FOXN3: variants seen among roughly 807,000 people sequenced by gnomAD.
FOXN3 encodes forkhead box N3, also known as forkhead box protein N3.
In FOXN3, 7 loss-of-function variants were observed where a neutral mutation model predicts 38.4. The ratio of observed to expected loss-of-function variants is 0.18; its 90% confidence interval spans 0.10 to 0.34. FOXN3 has a LOEUF of 0.34. FOXN3 is among the 10% of genes least tolerant of loss of function. FOXN3 has a pLI of 1.00. For missense variants in FOXN3, 456 were observed against 613.4 expected (o/e 0.74, Z 2.71); for synonymous variants, 230 against 242.2 (o/e 0.95, Z 0.47).
chr14:89,363,817 T>C (rs892040272), intron 2 of FOXN3, among the ~76,000 whole-genome samples: 2 of 151,796 alleles, frequency 1.3e-5, no homozygotes, highest in South Asian at 2.1e-4. Context: ...CAGTGGCTCA[T>C]GCCTGGTCAC....
intron 1 of FOXN3, among the ~76,000 whole-genome samples, chr14:89,508,223 T>C (rs1290335280): frequency 6.6e-6 from 1 of 152,152 alleles, no homozygotes; most frequent in Non-Finnish European, 1.5e-5. Flanking sequence ...CAATAAATGA[T>C]GGGAATTTGG....
At chr14:89,433,396 C>T (rs528118846) in intron 1 of FOXN3, among the ~76,000 whole-genome samples, 4 of 152,278 alleles carry the variant, frequency 2.6e-5, no homozygotes, top group African/African-American at 4.8e-5. Context: ...GCAGAAGAAT[C>T]GCTTGAACTC....
intron 1 of FOXN3, among the ~76,000 whole-genome samples, chr14:89,594,609 T>C (rs1207899704): frequency 1.3e-5 from 2 of 152,250 alleles, no homozygotes; most frequent in African/African-American, 4.8e-5. Flanking sequence ...ATATCCTTCA[T>C]ATAAGCCTTT....
chr14:89,485,972 A>G (rs1373598376), intron 1 of FOXN3, among the ~76,000 whole-genome samples: 1 of 152,050 alleles, frequency 6.6e-6, no homozygotes, highest in Non-Finnish European at 1.5e-5. Context: ...TTTCAATCCC[A>G]ATCCTCAAAG....
chr14:89,380,071 TC>T (rs1286162516), intron 2 of FOXN3, among the ~76,000 whole-genome samples: 2 of 152,172 alleles, frequency 1.3e-5, no homozygotes, highest in African/African-American at 2.4e-5. Context: ...TTTAGCTGCG[TC>T]CCCATCCAAA....
At chr14:89,581,319 T>C (rs1895734429) in intron 1 of FOXN3, among the ~76,000 whole-genome samples, 1 of 151,878 alleles carries the variant, frequency 6.6e-6, no homozygotes, top group Non-Finnish European at 1.5e-5. Flanking sequence ...CCGTCTCTAC[T>C]ACAAATTTCA....
chr14:89,463,530 C>G (rs1264978327), intron 1 of FOXN3, among the ~76,000 whole-genome samples: 1 of 152,202 alleles, frequency 6.6e-6, no homozygotes, highest in Non-Finnish European at 1.5e-5. Context: ...CATGGCAGGT[C>G]TTCCTAGCCA....
intron 4 of FOXN3, among the ~76,000 whole-genome samples, chr14:89,256,229 C>T (rs147750356): frequency 3.2e-3 from 488 of 152,292 alleles, no homozygotes; most frequent in African/African-American, 0.011. Context: ...ATAAAAAAGG[C>T]TCTCCACACA....
At chr14:89,279,654 A>G (rs530770730) in intron 4 of FOXN3, among the ~76,000 whole-genome samples, 22 of 152,300 alleles carry the variant, frequency 1.4e-4, no homozygotes, top group African/African-American at 4.6e-4. Flanking sequence ...TTAATTTTTG[A>G]GAGTGGAGGG....
intron 3 of FOXN3, among the ~76,000 whole-genome samples, chr14:89,306,334 G>GCA (rs33940446): frequency 0.017 from 2,500 of 146,748 alleles, 28 homozygotes; most frequent in Middle Eastern, 0.035. Context: ...ACAGACGCAT[G>GCA]CACACACACA....
intron 1 of FOXN3, among the ~76,000 whole-genome samples, chr14:89,423,703 A>G (rs1330005455): frequency 1.3e-5 from 2 of 152,254 alleles, no homozygotes; most frequent in Non-Finnish European, 2.9e-5. Flanking sequence ...AGCAATTGTG[A>G]TATCTCATTT....
intron 1 of FOXN3, among the ~76,000 whole-genome samples, chr14:89,607,761 A>C (rs1896302276): frequency 6.6e-6 from 1 of 152,152 alleles, no homozygotes; most frequent in African/African-American, 2.4e-5. Context: ...ATCTGGATTA[A>C]GTGTAGCAGG....
rs765013515 is a variant in FOXN3, at chr14:89,411,964, A to G, written c.513T>C (p.Cys171=). The G allele has an allele frequency of 1.3e-6, 2 of 1,548,574 alleles. No homozygotes were observed. The highest frequency in any genetic ancestry group is 4.5e-5 in the East Asian group (2 of 44,184). The change falls in exon 2 of 6, where the codon TGT becomes TGC. Residue 171 remains cysteine, a synonymous_variant. Coordinates refer to ENST00000557258, the MANE Select transcript of FOXN3 (RefSeq NM_005197.4). ...TCCTCTCTTTGTCCACTTTCTTAAA[A>G]CACTTATTCAATGATAAATTGTGTC... is the stretch of plus-strand genomic sequence containing the variant. ...SVRHNLSLNK[C]FKKVDKERSQ...
intron 3 of FOXN3, among the ~76,000 whole-genome samples, chr14:89,340,510 G>A (rs534982982): frequency 5.5e-4 from 84 of 152,186 alleles, no homozygotes; most frequent in African/African-American, 2.0e-3. Flanking sequence ...CACATCCATG[G>A]CAGAGTCTCA....
chr14:89,437,490 C>A (rs1892296680), intron 1 of FOXN3, among the ~76,000 whole-genome samples: 1 of 152,122 alleles, frequency 6.6e-6, no homozygotes, highest in African/African-American at 2.4e-5. Context: ...GGCGTGTGAA[C>A]CAGGGCAACT....
intron 2 of FOXN3, among the ~76,000 whole-genome samples, chr14:89,384,279 T>A (rs887060161): frequency 1.3e-5 from 2 of 152,108 alleles, no homozygotes; most frequent in Non-Finnish European, 2.9e-5. Context: ...ACTCCTCACC[T>A]CTGCGCCCAC....
At chr14:89,569,000 C>G (rs906109523) in intron 1 of FOXN3, among the ~76,000 whole-genome samples, 1 of 152,160 alleles carries the variant, frequency 6.6e-6, no homozygotes, top group Non-Finnish European at 1.5e-5. Flanking sequence ...GTCAGGAGAT[C>G]GAGACCAACC....
chr14:89,412,815 C>T lies in FOXN3; in HGVS notation c.-14-325G>A, dbSNP rs1891577606. ...TTGGGAGGCTGAGGCGGGACGATTG[C>T]TTGAGACCAGGAGACCAGTTTTAAA... On this transcript the variant is annotated intron_variant, in intron 1 of 5. Transcript: ENST00000557258. The surrounding 1 kb of genome is among the most constrained non-coding windows in gnomAD (Gnocchi z 4.7). Among the ~76,000 whole-genome samples, 1 of 152,152 alleles carries T rather than the reference C, an allele frequency of 6.6e-6. No individual in the cohort carries two copies. The highest frequency in any genetic ancestry group is 2.1e-4 in the South Asian group (1 of 4,828).
chr14:89,226,198 A>G (rs1026551552), intron 4 of FOXN3, among the ~76,000 whole-genome samples: 3 of 149,356 alleles, frequency 2.0e-5, no homozygotes, highest in Non-Finnish European at 4.4e-5. Flanking sequence ...AAGGAGGGAC[A>G]GGGAGAGGGA....
Sources: allele counts gnomAD v4.1 joint callset (sites outside exome capture counted in the v4.1 genomes callset), GRCh38; gene constraint gnomAD v4.1.1; non-coding constraint Gnocchi (gnomAD v3.1); transcripts MANE v1.5; gene names NCBI Gene and HGNC (gene_info 2026-07-23, HGNC 2026-07-21).